CFAP99: variants seen among roughly 807,000 people sequenced by gnomAD.
CFAP99 encodes the protein cilia- and flagella-associated protein 99.
Under a neutral mutation model 82.7 loss-of-function variants are expected in CFAP99, and 84 were observed. That is an observed-to-expected ratio of 1.02 (90% CI 0.85 to 1.22). The LOEUF (loss-of-function observed/expected upper bound fraction) is 1.22, where lower values mean the gene tolerates loss of function less well. Ranked by LOEUF, CFAP99 falls within the 50% of genes most tolerant of loss-of-function variation. The pLI is 0.00. For synonymous variants in CFAP99, 456 were observed against 429.5 expected, an observed-to-expected ratio of 1.06 and a Z score of -0.76; for missense variants, 1,059 against 983.5, an observed-to-expected ratio of 1.08 and a Z score of -1.03.
intron 2 of CFAP99, among the ~76,000 whole-genome samples, chr4:2,435,561 T>C (rs529027280): frequency 6.6e-6 from 1 of 152,290 alleles, no homozygotes; most frequent in East Asian, 1.9e-4. Context: ...ATTTACAGTA[T>C]CGTAGAACAC....
Position 2,443,243 on chromosome 4 carries a change from G to A in CFAP99, c.464+1G>A. On this transcript the variant is annotated splice_donor_variant, in intron 5 of 14. Transcript: ENST00000635017. LOFTEE classifies it high-confidence loss of function. ...AGAACTGGATCGACCCCCTGATGAG[G>A]TAGGCTGGATGGGGGGCTCTGGGGG... 6.5e-7 allele frequency: 1 copy of A among 1,528,754 alleles called. No individual in the cohort carries two copies. The highest frequency in any genetic ancestry group is 8.8e-7 in the Non-Finnish European group (1 of 1,140,426). 94.7% of individuals were successfully genotyped at this position (1,528,754 alleles called of 1,614,324 possible).
chr4:2,459,322 G>A, intron 13 of CFAP99, 64 bp downstream of exon 13: 1 of 1,458,378 alleles, frequency 6.9e-7, no homozygotes, highest in Non-Finnish European at 9.1e-7. Context: ...TGCCATGAGA[G>A]GCAGTTTCCA....
intron 14 of CFAP99, among the ~76,000 whole-genome samples, chr4:2,460,982 C>T (rs1326394620): frequency 6.6e-6 from 1 of 152,212 alleles, no homozygotes; most frequent in Non-Finnish European, 1.5e-5. Context: ...CGTGATCTGC[C>T]CGCCTTGGCC....
chr4:2,420,480 G>A (rs1733555615), intron 1 of CFAP99, among the ~76,000 whole-genome samples: 1 of 151,942 alleles, frequency 6.6e-6, no homozygotes, highest in Admixed American at 6.6e-5. Flanking sequence ...ACACTTGATG[G>A]GCTTGTCCAC....
At chr4:2,456,950 CTTT>C (rs574632036) in intron 11 of CFAP99, among the ~76,000 whole-genome samples, 14 of 109,434 alleles carry the variant, frequency 1.3e-4, no homozygotes, top group Admixed American at 2.1e-4. Context: ...TCTTTGAATA[CTTT>C]TTTTTTTTTT....
intron 1 of CFAP99, among the ~76,000 whole-genome samples, chr4:2,420,005 G>A (rs557437554): frequency 6.6e-6 from 1 of 152,016 alleles, no homozygotes; most frequent in African/African-American, 2.4e-5. Flanking sequence ...CGGGGTCAGC[G>A]CTCATCTCTT....
intron 14 of CFAP99, among the ~76,000 whole-genome samples, chr4:2,461,466 A>C (rs1734619431): frequency 1.3e-5 from 2 of 152,164 alleles, no homozygotes; most frequent in African/African-American, 4.8e-5. Flanking sequence ...AATTCAGAGG[A>C]GGCACAGGGC....
At chr4:2,426,080 C>G (rs1365380152) in intron 1 of CFAP99, among the ~76,000 whole-genome samples, 2 of 152,210 alleles carry the variant, frequency 1.3e-5, no homozygotes, top group African/African-American at 2.4e-5. Context: ...TGCCTGTGCT[C>G]TCTGCCGTGG....
At chr4:2,459,471 G>A (rs1734526046) in intron 13 of CFAP99, among the ~76,000 whole-genome samples, 1 of 152,250 alleles carries the variant, frequency 6.6e-6, no homozygotes. Context: ...CACACACTTA[G>A]CCAGTCCTCT....
At chr4:2,431,636 C>T (rs550539333) in intron 2 of CFAP99, among the ~76,000 whole-genome samples, 1 of 152,302 alleles carries the variant, frequency 6.6e-6, no homozygotes, top group East Asian at 1.9e-4. Context: ...CACTGCTGCT[C>T]TCCTGGGCAG....
intron 2 of CFAP99, among the ~76,000 whole-genome samples, chr4:2,432,500 T>C (rs1733818807): frequency 6.6e-6 from 1 of 152,202 alleles, no homozygotes; most frequent in African/African-American, 2.4e-5. Context: ...AGGCTTTGCA[T>C]TACTGATGAG....
At position 2,448,238 on chromosome 4, in the gene CFAP99, G is replaced by T. The variant is rs1734216471; in HGVS notation, c.643-1432G>T. On this transcript the variant is annotated intron_variant, in intron 6 of 14. Transcript: ENST00000635017. This position sits in a 1 kb window ranked among gnomAD's most constrained non-coding sequence, Gnocchi z 5.2. Reference sequence around the variant, plus strand: ...ACCCCATCTCCTCAGGGCTCAGTGTGTTTGTCTCAGGTCATGCTGCCAACT... The same window carrying T: ...ACCCCATCTCCTCAGGGCTCAGTGTTTTTGTCTCAGGTCATGCTGCCAACT... 6.6e-6 allele frequency among the ~76,000 whole-genome samples: 1 copy of T among 152,186 alleles called. No individual in the cohort carries two copies. The highest frequency in any genetic ancestry group is 2.4e-5 in the African/African-American group (1 of 41,434).
Position 2,446,779 on chromosome 4 carries a change from T to A in CFAP99, c.642+1471T>A, listed in dbSNP as rs1734174647. ...CCAGTTGGATGGATGGATGGGTGGA[T>A]GGATTATCAGATGGATGGTAGATGG... On this transcript the variant is annotated intron_variant, in intron 6 of 14. Coordinates refer to ENST00000635017, the Ensembl canonical transcript of CFAP99. This position sits in a 1 kb window ranked among gnomAD's most constrained non-coding sequence, Gnocchi z 5.0. Among the ~76,000 whole-genome samples the A allele has an allele frequency of 6.6e-6, 1 of 152,020 alleles. No homozygotes were observed. The highest frequency in any genetic ancestry group is 6.6e-5 in the Admixed American group (1 of 15,238).
chr4:2,427,166 A>C (rs569133536), intron 2 of CFAP99: 9 of 155,600 alleles, frequency 5.8e-5, no homozygotes, highest in African/African-American at 1.7e-4. Context: ...AGGCTGCCCA[A>C]CTCCTCAGCT....
intron 2 of CFAP99, among the ~76,000 whole-genome samples, chr4:2,436,052 G>A (rs1249531792): frequency 6.7e-6 from 1 of 149,862 alleles, no homozygotes; most frequent in Non-Finnish European, 1.5e-5. Context: ...CAGCCTGGAC[G>A]ACAGAGTGAG....
chr4:2,424,607 C>T (rs1413450317), intron 1 of CFAP99, among the ~76,000 whole-genome samples: 2 of 152,228 alleles, frequency 1.3e-5, no homozygotes, highest in Admixed American at 6.5e-5. Flanking sequence ...ACTCACAGAA[C>T]ATGCCAGGTG....
chr4:2,460,301 GCCTTGCACC>G, intron 14 of CFAP99, 59 bp downstream of exon 14: 1 of 1,465,818 alleles, frequency 6.8e-7, no homozygotes, highest in Non-Finnish European at 9.2e-7. Flanking sequence ...CTGTAAGCCT[GCCTTGCACC>G]CTCCTGGGTG....
chr4:2,462,421 A>G lies in CFAP99; in HGVS notation c.1662-22A>G. ...TGGGCCTCCCGCCGGCCTGCTCCTG[A>G]GCCCGCCGCGTCGCCCGCCAGGTGG... On this transcript the variant is annotated intron_variant, in intron 14 of 14. Coordinates refer to ENST00000635017, the Ensembl canonical transcript of CFAP99. The surrounding 1 kb of genome is among the most constrained non-coding windows in gnomAD (Gnocchi z 4.1). 7.1e-7 allele frequency: 1 copy of G among 1,411,316 alleles called. No individual in the cohort carries two copies. The highest frequency in any genetic ancestry group is 9.1e-7 in the Non-Finnish European group (1 of 1,096,064). The allele number at this position is 1,411,316 out of a possible 1,614,324, so 87.4% of individuals were successfully genotyped here. A position where few individuals can be genotyped will look rare whatever the true frequency, so the allele number is the denominator to read the frequency against.
intron 11 of CFAP99, among the ~76,000 whole-genome samples, chr4:2,457,748 C>G (rs1734470826): frequency 6.6e-6 from 1 of 152,142 alleles, no homozygotes; most frequent in African/African-American, 2.4e-5. Flanking sequence ...TTCCTTCTTC[C>G]CCTGCTCATT....
Sources: allele counts gnomAD v4.1 joint callset (sites outside exome capture counted in the v4.1 genomes callset), GRCh38; gene constraint gnomAD v4.1.1; non-coding constraint Gnocchi (gnomAD v3.1); transcripts MANE v1.5; gene names NCBI Gene and HGNC (gene_info 2026-07-23, HGNC 2026-07-21).